ANKLE2: variants seen among roughly 807,000 people sequenced by gnomAD.
The protein encoded by ANKLE2 is ankyrin repeat and LEM domain containing 2.
A neutral mutation model predicts 84.2 loss-of-function variants in ANKLE2; 55 were observed. That is an observed-to-expected ratio of 0.65 (90% CI 0.53 to 0.82). The LOEUF (loss-of-function observed/expected upper bound fraction) is 0.82. Ranked by LOEUF, ANKLE2 falls within the 40% of genes least tolerant of loss-of-function variation. The pLI, the probability that ANKLE2 is intolerant of heterozygous loss-of-function variation, is 0.00. For synonymous variants in ANKLE2, 551 were observed against 486.1 expected (o/e 1.13, Z -1.76); for missense variants, 1,238 against 1,201.9 (o/e 1.03, Z -0.44).
At position 132,734,465 on chromosome 12, in the gene ANKLE2, G is replaced by A. The variant is rs754548552; in HGVS notation, c.1811C>T (p.Thr604Ile). ...EGLQRLEEYL[T>I]QQEIGKKAQQ... ...AGCCTTTTTGCCTATTTCCTGCTGT[G>A]TGAGATATTCTTCTAGTCTTTGCAG... is the stretch of plus-strand genomic sequence containing the variant. The change falls in exon 10 of 13, where the codon ACA (threonine) becomes ATA (isoleucine). Residue 604 changes from threonine (T) to isoleucine (I), a missense_variant. Around this residue, in one of 3 missense-constraint regions of ANKLE2, gnomAD observed 802 missense variants for 774.5 expected, o/e 1.04. Transcript: ENST00000357997. The A allele has an allele frequency of 1.2e-6, 2 of 1,613,986 alleles. No homozygotes were observed. Among genetic ancestry groups the A allele is most frequent in the Non-Finnish European group, 8.5e-7 (1 of 1,180,020 alleles).
At position 132,743,273 on chromosome 12, in the gene ANKLE2, A is replaced by T. The variant is rs764951124; in HGVS notation, c.1234T>A (p.Tyr412Asn). The change falls in exon 6 of 13, where the codon TAT (tyrosine) becomes AAT (asparagine). Residue 412 changes from tyrosine (Y) to asparagine (N), a missense_variant. Physicochemically the swap from Tyr to Asn is moderately radical, Grantham distance 143. This residue lies in a region of ANKLE2 where 802 missense variants were observed against 774.5 expected (regional missense o/e 1.04). Coordinates refer to ENST00000357997, the MANE Select transcript of ANKLE2 (RefSeq NM_015114.3). The surrounding 1 kb of genome is among the most constrained non-coding windows in gnomAD (Gnocchi z 4.1). ...CAAGCAAAATGCAACGGTGTGTCAT[A>T]GCCCTGAAAAAAGGTGCAGAGGAAG... ...LYLNTPDKMG[Y>N]DTPLHFACKF... is the part of the protein sequence containing the mutation. The T allele has an allele frequency of 6.2e-6, 10 of 1,603,770 alleles. No homozygotes were observed. In the East Asian group the frequency reaches 2.0e-4, roughly 32 times the overall value.
At chr12:132,735,594 C>A (rs555580976) in intron 8 of ANKLE2, 82 bp from the exon 9 acceptor site, 3 of 1,093,750 alleles carry the variant, frequency 2.7e-6, no homozygotes, top group African/African-American at 3.1e-5. Flanking sequence ...GTCGTCATCG[C>A]AGTAGCTGCC....
At chr12:132,747,692 G>A (rs1465337789) in intron 5 of ANKLE2, 140 bp downstream of exon 5, 1 of 1,067,998 alleles carries the variant, frequency 9.4e-7, no homozygotes, top group Non-Finnish European at 1.3e-6. Context: ...TGGTAAGAAG[G>A]CAGGTTGCAG....
In ANKLE2 at chr12:132,761,631, G is replaced by A. The variant is rs1004737447; in HGVS notation, c.168C>T (p.Ala56=). Reference sequence around the variant, plus strand: ...CCTGGGCCTTACCTGAGGCGGGGGCGGCGGCCGCGCTTGGCGGAGGAACTG... The same window carrying A: ...CCTGGGCCTTACCTGAGGCGGGGGCAGCGGCCGCGCTTGGCGGAGGAACTG... The part of the protein sequence containing the change: ...GTPVPPPSAA[A]APASGEMTMD... Residue 56 remains alanine, a synonymous_variant, in exon 1 of 13, where the codon GCC becomes GCT. Transcript: ENST00000357997. 6.4e-6 allele frequency: 8 copies of A among 1,258,322 alleles called. No homozygotes were observed. In the African/African-American group the frequency reaches 9.4e-5, roughly 15 times the overall value. The allele number at this position is 1,258,322 out of a possible 1,614,324, so 77.9% of individuals were successfully genotyped here.
chr12:132,730,217 C>T lies in ANKLE2; in HGVS notation c.1945G>A (p.Glu649Lys). Residue 649 changes from glutamate (E) to lysine (K), a missense_variant, in exon 11 of 13, where the codon GAA (glutamate) becomes AAA (lysine). Around this residue, in one of 3 missense-constraint regions of ANKLE2, gnomAD observed 802 missense variants for 774.5 expected, o/e 1.04. Coordinates refer to ENST00000357997, the MANE Select transcript of ANKLE2 (RefSeq NM_015114.3). ...GCATTTTGCCGATTTTTTATTTCTT[C>T]CAAGCTCATGTCATCTTCATCTAGA... ...AFLDEDDMSL[E>K]EIKNRQNAAR... is the part of the protein sequence containing the mutation. 3.1e-6 allele frequency: 5 copies of T among 1,593,538 alleles called. No homozygotes were observed. The highest frequency in any genetic ancestry group is 3.4e-6 in the Non-Finnish European group (4 of 1,168,842).
At chr12:132,746,111 G>A (rs1306776740) in intron 5 of ANKLE2, among the ~76,000 whole-genome samples, 1 of 152,202 alleles carries the variant, frequency 6.6e-6, no homozygotes, top group African/African-American at 2.4e-5. Flanking sequence ...CACTCTGGGA[G>A]GCCAAGGCGG....
At chr12:132,734,259 TA>T in intron 10 of ANKLE2, 125 bp downstream of exon 10, 1 of 1,053,290 alleles carries the variant, frequency 9.5e-7, no homozygotes, top group Non-Finnish European at 1.4e-6. Flanking sequence ...AATACTAACC[TA>T]AGGGAAAGTA....
chr12:132,734,376 C>A lies in ANKLE2; in HGVS notation c.1891+9G>T, dbSNP rs1240986762. ...CCCAGCTGCCACAGCCACGCCTGCA[C>A]ATGCTTACCAGACGTGGTGGCTTTA... On this transcript the variant is annotated intron_variant, in intron 10 of 12. Coordinates refer to ENST00000357997, the MANE Select transcript of ANKLE2 (RefSeq NM_015114.3). 4 of 1,613,224 alleles carry A rather than the reference C, an allele frequency of 2.5e-6. No individual in the cohort carries two copies. The highest frequency in any genetic ancestry group is 2.5e-6 in the Non-Finnish European group (3 of 1,179,776).
intron 9 of ANKLE2, chr12:132,734,882 C>T (rs1207146376): frequency 8.2e-6 from 3 of 367,202 alleles, no homozygotes; most frequent in Admixed American, 9.2e-5. Flanking sequence ...CTCCCACAGA[C>T]GGACGTGTTC....
rs1487489591 is a variant in ANKLE2, at chr12:132,754,867, C to T, written c.448G>A (p.Gly150Ser). 6.2e-7 allele frequency: 1 copy of T among 1,614,058 alleles called. No individual in the cohort carries two copies. The highest frequency in any genetic ancestry group is 1.3e-5 in the African/African-American group (1 of 74,918). ...PAEGNPTDQA[G>S]FSEDRDFGYS... ...CCAAAATCTCTGTCTTCAGAAAAAC[C>T]AGCCTGATCAGTTGGGTTCCCTTCA... The change falls in exon 2 of 13, where the codon GGT becomes AGT. Residue 150 changes from glycine to serine, a missense_variant. Gly to Ser is a moderately conservative substitution (Grantham distance 56, BLOSUM62 0). This residue lies in a region of ANKLE2 where 422 missense variants were observed against 394.5 expected (regional missense o/e 1.07). Transcript: ENST00000357997.
chr12:132,747,943 G>T lies in ANKLE2; in HGVS notation c.1119C>A (p.Val373=), dbSNP rs756994775. The change falls in exon 5 of 13, where the codon GTC becomes GTA. Residue 373 remains valine (V), a synonymous_variant. Coordinates refer to ENST00000357997, the MANE Select transcript of ANKLE2 (RefSeq NM_015114.3). ...QASICQLTLD[V]LENPDFMRLM... ...GCCTCATGAAGTCAGGGTTCTCCAG[G>T]ACGTCCAGAGTCAGCTGGCAGATGG... 2.5e-6 allele frequency: 4 copies of T among 1,601,758 alleles called. No individual in the cohort carries two copies. The highest frequency in any genetic ancestry group is 3.4e-6 in the Non-Finnish European group (4 of 1,177,144).
chr12:132,750,809 T>C lies in ANKLE2; in HGVS notation c.681A>G (p.Gln227=). ...GGGACCCTTTGATCATCTTGACAGC[T>C]TGCAATGCTTCCTTTTTATTTTCAT... The part of the protein sequence containing the change: ...YVYENKKEAL[Q]AVKMIKGSRF... The change falls in exon 3 of 13, where the codon CAA becomes CAG. Residue 227 remains glutamine, a synonymous_variant. Transcript: ENST00000357997. 1 of 1,614,208 alleles carries C rather than the reference T, an allele frequency of 6.2e-7. No homozygotes were observed. The highest frequency in any genetic ancestry group is 8.5e-7 in the Non-Finnish European group (1 of 1,180,038).
At position 132,730,219 on chromosome 12, in the gene ANKLE2, A is replaced by G. The variant is rs1162039531; in HGVS notation, c.1943T>C (p.Leu648Ser). 6.3e-7 allele frequency: 1 copy of G among 1,592,218 alleles called. No homozygotes were observed. The highest frequency in any genetic ancestry group is 2.2e-5 in the East Asian group (1 of 44,552). ...RAFLDEDDMSLEEIKNRQNAA... is the reference protein window; with the variant it reads ...RAFLDEDDMSSEEIKNRQNAA... ...ATTTTGCCGATTTTTTATTTCTTCC[A>G]AGCTCATGTCATCTTCATCTAGAAA... The change falls in exon 11 of 13, where the codon TTG becomes TCG. Residue 648 changes from leucine (L) to serine (S), a missense_variant. Physicochemically the swap from Leu to Ser is moderately radical, Grantham distance 145. Transcript: ENST00000357997.
At chr12:132,736,860 G>A (rs1301055080) in intron 8 of ANKLE2, 33 bp downstream of exon 8, 1 of 1,572,908 alleles carries the variant, frequency 6.4e-7, no homozygotes, top group South Asian at 1.2e-5. Flanking sequence ...GGACAGCCAG[G>A]CACCACTTCC....
Position 132,743,403 on chromosome 12 carries a change from G to A in ANKLE2, c.1231-127C>T. On this transcript the variant is annotated intron_variant, in intron 5 of 12. Transcript: ENST00000357997. This position sits in a 1 kb window ranked among gnomAD's most constrained non-coding sequence, Gnocchi z 4.1. Reference sequence around the variant, plus strand: ...TTTTGAGACGGAGTCTCACTGGCGTGATCTTGGCTCACTGCAACCTCTGCC... The same window carrying A: ...TTTTGAGACGGAGTCTCACTGGCGTAATCTTGGCTCACTGCAACCTCTGCC... 8.0e-7 allele frequency: 1 copy of A among 1,256,030 alleles called. No individual in the cohort carries two copies. Among genetic ancestry groups the A allele is most frequent in the Admixed American group, 3.0e-5 (1 of 33,214 alleles). 77.8% of individuals were successfully genotyped at this position (1,256,030 alleles called of 1,614,324 possible).
chr12:132,729,722 G>C lies in ANKLE2; in HGVS notation c.2440C>G (p.Leu814Val). 1.2e-6 allele frequency: 2 copies of C among 1,610,338 alleles called. No homozygotes were observed. Among genetic ancestry groups the C allele is most frequent in the East Asian group, 4.5e-5 (2 of 44,708 alleles). ...CTGGCCGGTTCCCTGGTGACCTCGA[G>C]CTGATCCTCGTGCCTGGGGCTGCTG... ...SPSSPRHEDQ[L>V]EVTREPARRL... is the part of the protein sequence containing the mutation. The change falls in exon 11 of 13, where the codon CTC becomes GTC. Residue 814 changes from leucine to valine, a missense_variant. Transcript: ENST00000357997.
Position 132,730,168 on chromosome 12 carries a change from G to C in ANKLE2, c.1994C>G (p.Thr665Arg). Residue 665 changes from threonine (T) to arginine (R), a missense_variant, in exon 11 of 13, where the codon ACA becomes AGA. Transcript: ENST00000357997. ...CCTCGTATGTCCAAAAGCACCGACT[G>C]TGGGCGGGCTGTTATTTCGAGCTGC... is the stretch of plus-strand genomic sequence containing the variant. ...QNAARNNSPP[T>R]VGAFGHTRCS... 2 of 1,609,642 alleles carry C rather than the reference G, an allele frequency of 1.2e-6. No homozygotes were observed. The highest frequency in any genetic ancestry group is 8.5e-7 in the Non-Finnish European group (1 of 1,177,556).
chr12:132,738,394 C>CCA (rs1593153971), intron 7 of ANKLE2: 1 of 152,180 alleles, frequency 6.6e-6, no homozygotes, highest in African/African-American at 2.4e-5. Flanking sequence ...TGCACGGAGG[C>CCA]CACACACCAC....
rs747540312 is a variant in ANKLE2, at chr12:132,725,980, A to G, written c.*1262T>C. ...AGAAAGAAGCCTTTTTTTAAAACAA[A>G]GTTTCAATTCAGAATTTTTACAAAC... is the stretch of plus-strand genomic sequence containing the variant. On this transcript the variant is annotated 3_prime_UTR_variant, in exon 13 of 13. Coordinates refer to ENST00000357997, the MANE Select transcript of ANKLE2 (RefSeq NM_015114.3). 2.0e-5 allele frequency: 3 copies of G among 152,208 alleles called. No homozygotes were observed. Among genetic ancestry groups the G allele is most frequent in the Non-Finnish European group, 4.4e-5 (3 of 68,026 alleles). 9.4% of individuals were successfully genotyped at this position (152,208 alleles called of 1,614,324 possible).
Sources: gnomAD v4.1 joint callset for allele counts (sites outside exome capture counted in the v4.1 genomes callset) on GRCh38, gnomAD v4.1.1 for gene constraint, gnomAD v4.1.1 regional missense constraint, Gnocchi (gnomAD v3.1) non-coding constraint, MANE v1.5 for transcripts, NCBI Gene and HGNC (gene_info 2026-07-23, HGNC 2026-07-21) for gene names.